Variants in FOXP1 observed in about 807,000 individuals in gnomAD.
FOXP1 encodes the protein forkhead box P1, also known as forkhead box protein P1.
FOXP1 carries 15 observed loss-of-function variants against 98.2 expected under a neutral mutation model. The observed-to-expected ratio is 0.15, with a 90% confidence interval of 0.10 to 0.24. The LOEUF (loss-of-function observed/expected upper bound fraction) is 0.24, where lower values mean the gene tolerates loss of function less well. Ranked by LOEUF, FOXP1 falls within the 10% of genes least tolerant of loss-of-function variation. The pLI is 1.00. For synonymous variants in FOXP1, 371 were observed against 314.5 expected, an observed-to-expected ratio of 1.18 and a Z score of -1.90; for missense variants, 633 against 848.5, an observed-to-expected ratio of 0.75 and a Z score of 3.15.
At chr3:71,314,595 T>C (rs1472711843) in intron 4 of FOXP1, among the ~76,000 whole-genome samples, 1 of 151,016 alleles carries the variant, frequency 6.6e-6, no homozygotes, top group Non-Finnish European at 1.5e-5. Flanking sequence ...TAAAAGAGAA[T>C]GTATATCAGA....
chr3:71,385,741 T>C (rs2080522533), intron 3 of FOXP1, among the ~76,000 whole-genome samples: 1 of 152,218 alleles, frequency 6.6e-6, no homozygotes, highest in Admixed American at 6.5e-5. Context: ...ATCTCCAATG[T>C]GCAGAAAGAT....
chr3:71,303,934 G>A (rs2074061669), intron 4 of FOXP1, among the ~76,000 whole-genome samples: 1 of 152,168 alleles, frequency 6.6e-6, no homozygotes, highest in Non-Finnish European at 1.5e-5. Flanking sequence ...AGGCAAACTT[G>A]GACGCTACCC....
intron 11 of FOXP1, among the ~76,000 whole-genome samples, chr3:71,034,971 G>T (rs1198161197): frequency 1.3e-5 from 2 of 152,210 alleles, no homozygotes; most frequent in Non-Finnish European, 2.9e-5. Context: ...ACCTGTCTGG[G>T]ATGTGAATCA....
At chr3:71,174,102 A>T (rs2061792394) in intron 6 of FOXP1, among the ~76,000 whole-genome samples, 1 of 152,226 alleles carries the variant, frequency 6.6e-6, no homozygotes, top group African/African-American at 2.4e-5. Context: ...CAGATCCATT[A>T]TTTATGTAAG....
chr3:71,142,224 T>C (rs2060104512), intron 6 of FOXP1, among the ~76,000 whole-genome samples: 1 of 152,228 alleles, frequency 6.6e-6, no homozygotes, highest in Non-Finnish European at 1.5e-5. Flanking sequence ...CCCTTGGTCC[T>C]GTCAATGTGT....
chr3:71,496,448 G>A (rs2091414701), intron 2 of FOXP1, among the ~76,000 whole-genome samples: 2 of 152,196 alleles, frequency 1.3e-5, no homozygotes, highest in Non-Finnish European at 2.9e-5. Flanking sequence ...AGGGCTGGTG[G>A]AGGTTTCCTG....
At position 70,956,411 on chromosome 3, in the gene FOXP1, TTTTC is replaced by T; in HGVS notation, c.*2832_*2835del. 8.8e-6 allele frequency: 2 copies of T among 227,306 alleles called. No individual in the cohort carries two copies. Among genetic ancestry groups the T allele is most frequent in the East Asian group, 6.1e-5 (1 of 16,346 alleles). The allele number at this position is 227,306 out of a possible 1,614,324, so 14.1% of individuals were successfully genotyped here. A position where few individuals can be genotyped will look rare whatever the true frequency, so the allele number is the denominator to read the frequency against. On this transcript the variant is annotated 3_prime_UTR_variant, in exon 21 of 21. Transcript: ENST00000649528. ...CCTGCAAAGATATGTAAAATCTAAT[TTTTC>T]TTTTTTTTTTTTTTTTGCTACAGTC... is the stretch of plus-strand genomic sequence containing the variant.
intron 12 of FOXP1, among the ~76,000 whole-genome samples, chr3:71,009,318 A>C (rs1395678476): frequency 6.6e-6 from 1 of 152,104 alleles, no homozygotes; most frequent in Admixed American, 6.6e-5. Flanking sequence ...ATGGTACAGC[A>C]AACTGTGGTC....
At chr3:71,259,683 A>G (rs919625102) in intron 5 of FOXP1, among the ~76,000 whole-genome samples, 3 of 152,236 alleles carry the variant, frequency 2.0e-5, no homozygotes, top group African/African-American at 7.2e-5. Flanking sequence ...TGTAACTGAA[A>G]TAGGGTTGTG....
chr3:71,538,463 C>T (rs1294867604), intron 2 of FOXP1, among the ~76,000 whole-genome samples: 2 of 152,204 alleles, frequency 1.3e-5, no homozygotes, highest in South Asian at 4.1e-4. Flanking sequence ...ACAATGTTTG[C>T]AAAGTTCATC....
intron 6 of FOXP1, among the ~76,000 whole-genome samples, chr3:71,191,907 C>T (rs1325919740): frequency 1.3e-5 from 2 of 152,156 alleles, no homozygotes; most frequent in Admixed American, 6.5e-5. Flanking sequence ...ATACTTTTCA[C>T]GTTATTTGAA....
chr3:71,385,002 T>C (rs965600751), intron 3 of FOXP1, among the ~76,000 whole-genome samples: 2 of 152,128 alleles, frequency 1.3e-5, no homozygotes, highest in Non-Finnish European at 2.9e-5. Context: ...CAGCATTTCT[T>C]TGGCTACAGG....
At chr3:71,398,490 C>A (rs917130509) in intron 3 of FOXP1, among the ~76,000 whole-genome samples, 4 of 152,168 alleles carry the variant, frequency 2.6e-5, no homozygotes, top group Non-Finnish European at 5.9e-5. Flanking sequence ...AATGTGAACC[C>A]TTTTCACCCT....
At chr3:71,147,063 G>A (rs143339525) in intron 6 of FOXP1, among the ~76,000 whole-genome samples, 3 of 152,172 alleles carry the variant, frequency 2.0e-5, no homozygotes, top group African/African-American at 4.8e-5. Context: ...ATTACCTGGC[G>A]TTTCAGCCAG....
At chr3:71,531,806 C>A (rs1450265094) in intron 2 of FOXP1, among the ~76,000 whole-genome samples, 1 of 152,282 alleles carries the variant, frequency 6.6e-6, no homozygotes, top group Admixed American at 6.5e-5. Flanking sequence ...GTAGACAGAT[C>A]CTTCAACTAC....
chr3:71,067,203 T>C (rs546125526), intron 7 of FOXP1, among the ~76,000 whole-genome samples: 186 of 152,308 alleles, frequency 1.2e-3, no homozygotes, highest in Non-Finnish European at 2.1e-3. Context: ...ACAGATGATA[T>C]GGTGACTCAG....
At chr3:70,967,385 T>G (rs2035034419) in intron 19 of FOXP1, among the ~76,000 whole-genome samples, 1 of 152,190 alleles carries the variant, frequency 6.6e-6, no homozygotes, top group Non-Finnish European at 1.5e-5. Flanking sequence ...CAGCATTGGA[T>G]AATGGACTGT....
At chr3:71,300,309 G>T (rs890526590) in intron 4 of FOXP1, among the ~76,000 whole-genome samples, 1 of 152,056 alleles carries the variant, frequency 6.6e-6, no homozygotes, top group Admixed American at 6.6e-5. Flanking sequence ...AAGAGAGTTA[G>T]GTCTTGTAGA....
At chr3:71,532,933 G>A (rs1456028966) in intron 2 of FOXP1, among the ~76,000 whole-genome samples, 1 of 152,138 alleles carries the variant, frequency 6.6e-6, no homozygotes, top group African/African-American at 2.4e-5. Flanking sequence ...CATCCTTGAA[G>A]GAAATAAACA....
Sources: allele counts gnomAD v4.1 joint callset (sites outside exome capture counted in the v4.1 genomes callset), GRCh38; gene constraint gnomAD v4.1.1; transcripts MANE v1.5; gene names NCBI Gene and HGNC (gene_info 2026-07-23, HGNC 2026-07-21).